GPATCH2: variants seen among roughly 807,000 people sequenced by gnomAD.
GPATCH2 encodes G patch domain-containing protein 2.
GPATCH2 carries 51 observed loss-of-function variants against 58.0 expected under a neutral mutation model. The ratio of observed to expected loss-of-function variants is 0.88; its 90% CI spans 0.70 to 1.11. The LOEUF is 1.11. GPATCH2 is among the 50% of genes most tolerant of loss of function. GPATCH2 has a pLI of 0.00. For synonymous variants in GPATCH2, 222 were observed against 218.5 expected, an observed-to-expected ratio of 1.02 and a Z score of -0.14; for missense variants, 625 against 652.2, an observed-to-expected ratio of 0.96 and a Z score of 0.45.
In GPATCH2 at chr1:217,444,295, C is replaced by A. The variant is rs141073844; in HGVS notation, c.1366+4954G>T. On this transcript the variant is annotated intron_variant, in intron 9 of 9. Coordinates refer to ENST00000366935, the MANE Select transcript of GPATCH2 (RefSeq NM_018040.5). ...ACTTACGCTGGGATCCCAGGCTTGA[C>A]TCCCTGTCCACGGGGGAACTAACGA... Among the ~76,000 whole-genome samples, 528 of 152,292 alleles carry A rather than the reference C, an allele frequency of 3.5e-3. 4 individuals are homozygous for A. Among genetic ancestry groups the A allele is most frequent in the African/African-American group, 0.012 (512 of 41,582 alleles).
At chr1:217,463,913 T>C (rs1345528405) in intron 8 of GPATCH2, among the ~76,000 whole-genome samples, 4 of 152,108 alleles carry the variant, frequency 2.6e-5, no homozygotes, top group African/African-American at 9.7e-5. Flanking sequence ...GCAGACAGAA[T>C]AGCATCTGGG....
intron 5 of GPATCH2, among the ~76,000 whole-genome samples, chr1:217,559,799 A>G (rs1239040831): frequency 6.6e-6 from 1 of 152,098 alleles, no homozygotes; most frequent in Non-Finnish European, 1.5e-5. Context: ...AAAATGCTTG[A>G]GAGAGACAGC....
In GPATCH2 at chr1:217,510,967, G is replaced by A. The variant is rs377289933; in HGVS notation, c.1166+3855C>T. ...AAAAAAATTATCTGGGCGTGGTGGC[G>A]CACGCCTGTAGTCCCAGTTACTCTG... On this transcript the variant is annotated intron_variant, in intron 6 of 9. Transcript: ENST00000366935. 4.1e-3 allele frequency among the ~76,000 whole-genome samples: 621 copies of A among 152,096 alleles called. 3 individuals are homozygous for A. Among genetic ancestry groups the A allele is most frequent in the African/African-American group, 0.014 (575 of 41,494 alleles).
At chr1:217,474,816 T>C (rs1182494448) in intron 8 of GPATCH2, among the ~76,000 whole-genome samples, 1 of 152,196 alleles carries the variant, frequency 6.6e-6, no homozygotes, top group Non-Finnish European at 1.5e-5. Flanking sequence ...CTCACCTTTA[T>C]GTTTTTCTAC....
In GPATCH2 at chr1:217,604,563, T is replaced by G. The variant is rs143617736; in HGVS notation, c.1098+5758A>C. ...AGTTCACAGGGGTTAAAATAAAGCATTGCACTAGTGAATTCCACTCAAAAA... is the reference window on the plus strand; with the variant it reads ...AGTTCACAGGGGTTAAAATAAAGCAGTGCACTAGTGAATTCCACTCAAAAA... On this transcript the variant is annotated intron_variant, in intron 5 of 9. Coordinates refer to ENST00000366935, the MANE Select transcript of GPATCH2 (RefSeq NM_018040.5). Among the ~76,000 whole-genome samples, 732 of 152,252 alleles carry G rather than the reference T, an allele frequency of 4.8e-3. 5 individuals carry two copies. The highest frequency in any genetic ancestry group is 0.017 in the African/African-American group (709 of 41,544).
chr1:217,610,535 T>C, intron 4 of GPATCH2, 135 bp from the exon 5 acceptor site: 1 of 632,692 alleles, frequency 1.6e-6, no homozygotes, highest in South Asian at 2.0e-5. Context: ...TTTGGGAAAA[T>C]GCAAAACTCA....
At chr1:217,615,835 T>C (rs1395930312) in intron 2 of GPATCH2, among the ~76,000 whole-genome samples, 1 of 152,018 alleles carries the variant, frequency 6.6e-6, no homozygotes, top group African/African-American at 2.4e-5. Context: ...CTTTTCAGAG[T>C]TCAGATTTGC....
intron 5 of GPATCH2, among the ~76,000 whole-genome samples, chr1:217,584,364 T>TATATATATATATATAC (rs1226981154): frequency 1.6e-5 from 2 of 121,554 alleles, no homozygotes; most frequent in African/African-American, 6.1e-5. Flanking sequence ...TATATATATA[T>TATATATATATATATAC]ACACACACAC....
intron 1 of GPATCH2, among the ~76,000 whole-genome samples, chr1:217,621,878 TCA>T (rs1479274417): frequency 1.3e-5 from 2 of 152,244 alleles, no homozygotes; most frequent in African/African-American, 4.8e-5. Context: ...TTTGCCAGGC[TCA>T]TTTCTAAGTG....
At chr1:217,438,310 C>T (rs1438070994) in intron 9 of GPATCH2, among the ~76,000 whole-genome samples, 2 of 152,066 alleles carry the variant, frequency 1.3e-5, no homozygotes, top group Non-Finnish European at 2.9e-5. Context: ...ATTCCAAAAA[C>T]CAGAACGCCT....
intron 1 of GPATCH2, among the ~76,000 whole-genome samples, chr1:217,630,685 T>C (rs1019355829): frequency 1.3e-5 from 2 of 152,190 alleles, no homozygotes; most frequent in South Asian, 2.1e-4. Flanking sequence ...TTCTAAAATA[T>C]TGTTAAACAA....
chr1:217,490,848 T>C (rs1219697246), intron 8 of GPATCH2, among the ~76,000 whole-genome samples: 1 of 152,220 alleles, frequency 6.6e-6, no homozygotes, highest in Non-Finnish European at 1.5e-5. Context: ...TGTTTGGTGA[T>C]TTTTGATTGT....
chr1:217,453,290 G>T lies in GPATCH2; in HGVS notation c.1278-3953C>A, dbSNP rs557373875. On this transcript the variant is annotated intron_variant, in intron 8 of 9. Transcript: ENST00000366935. ...TAAAGAACAATATTAAGATCCTTTT[G>T]TAAGGTGTATCAGAAAAACACCAAT... 2.0e-5 allele frequency among the ~76,000 whole-genome samples: 3 copies of T among 152,250 alleles called. No individual in the cohort carries two copies. The East Asian group carries it at 5.8e-4, about 29-fold the overall frequency.
At chr1:217,526,490 GTGAA>G (rs1663914999) in intron 5 of GPATCH2, among the ~76,000 whole-genome samples, 1 of 152,146 alleles carries the variant, frequency 6.6e-6, no homozygotes, top group South Asian at 2.1e-4. Context: ...GAATAAATGA[GTGAA>G]TGAGTTAATT....
chr1:217,433,289 A>G (rs1034303338), intron 9 of GPATCH2, among the ~76,000 whole-genome samples: 8 of 151,408 alleles, frequency 5.3e-5, no homozygotes, highest in Middle Eastern at 3.4e-3. Flanking sequence ...TCCAGAGTAT[A>G]GTAGTGTTCT....
chr1:217,508,166 TA>T (rs1441161295), intron 6 of GPATCH2, among the ~76,000 whole-genome samples: 5 of 152,082 alleles, frequency 3.3e-5, no homozygotes, highest in Non-Finnish European at 7.4e-5. Flanking sequence ...GGAATCACAA[TA>T]AATCAGAGGA....
intron 5 of GPATCH2, among the ~76,000 whole-genome samples, chr1:217,563,551 G>A (rs1197101514): frequency 6.6e-6 from 1 of 151,960 alleles, no homozygotes; most frequent in Non-Finnish European, 1.5e-5. Context: ...AAGAAATAAG[G>A]TACATTTTCC....
At chr1:217,557,439 TC>T (rs1175310842) in intron 5 of GPATCH2, among the ~76,000 whole-genome samples, 2 of 151,772 alleles carry the variant, frequency 1.3e-5, no homozygotes, top group Non-Finnish European at 2.9e-5. Flanking sequence ...AAAATTCCGT[TC>T]ATTTTAATGT....
intron 5 of GPATCH2, among the ~76,000 whole-genome samples, chr1:217,530,382 A>T (rs1664129725): frequency 6.6e-6 from 1 of 152,236 alleles, no homozygotes; most frequent in African/African-American, 2.4e-5. Flanking sequence ...ACAAAAATTA[A>T]AGAGATCATT....
Sources: gnomAD v4.1 joint callset for allele counts (sites outside exome capture counted in the v4.1 genomes callset) on GRCh38, gnomAD v4.1.1 for gene constraint, MANE v1.5 for transcripts, NCBI Gene and HGNC (gene_info 2026-07-23, HGNC 2026-07-21) for gene names.